Variants in SNTG1 observed in about 807,000 individuals in gnomAD.
SNTG1 encodes the protein syntrophin gamma 1.
A neutral mutation model predicts 74.7 loss-of-function variants in SNTG1; 39 were observed. The observed-to-expected ratio is 0.52, with a 90% CI of 0.40 to 0.68. The LOEUF is 0.68. Ranked by LOEUF, SNTG1 falls within the 30% of genes least tolerant of loss-of-function variation. The pLI, the probability that SNTG1 is intolerant of heterozygous loss-of-function variation, is 0.00. For synonymous variants in SNTG1, 254 were observed against 217.1 expected (o/e 1.17, Z -1.49); for missense variants, 685 against 609.5 (o/e 1.12, Z -1.30).
Position 50,792,873 on chromosome 8 carries a change from G to A in SNTG1, c.*44G>A. The A allele has an allele frequency of 1.9e-6, 3 of 1,540,374 alleles. No homozygotes were observed. Among genetic ancestry groups the A allele is most frequent in the South Asian group, 2.6e-5 (2 of 78,086 alleles). On this transcript the variant is annotated 3_prime_UTR_variant, in exon 19 of 19. Transcript: ENST00000642720. The stretch of plus-strand genomic sequence containing the variant: ...GACACACCCCATGACTGTATAAGCA[G>A]GACACATTTACTCATCATTTTAGAC...
chr8:50,259,376 G>T (rs2087041418), intron 2 of SNTG1, among the ~76,000 whole-genome samples: 1 of 151,784 alleles, frequency 6.6e-6, no homozygotes, highest in Non-Finnish European at 1.5e-5. Context: ...GTGTGCACCT[G>T]TAATCCTAGC....
intron 15 of SNTG1, among the ~76,000 whole-genome samples, chr8:50,664,913 C>T (rs1051528904): frequency 2.0e-5 from 3 of 152,066 alleles, no homozygotes; most frequent in Non-Finnish European, 4.4e-5. Flanking sequence ...TATCATTTGG[C>T]CAGGAAACCC....
intron 5 of SNTG1, among the ~76,000 whole-genome samples, chr8:50,444,109 G>C (rs2093383617): frequency 6.6e-6 from 1 of 152,126 alleles, no homozygotes; most frequent in Non-Finnish European, 1.5e-5. Flanking sequence ...CTGCATTCCA[G>C]CCTGGGTGAC....
chr8:50,264,531 C>G (rs779902568), intron 2 of SNTG1, among the ~76,000 whole-genome samples: 3 of 151,364 alleles, frequency 2.0e-5, no homozygotes, highest in Non-Finnish European at 2.9e-5. Flanking sequence ...GATCGCACCA[C>G]TGCACTCCAG....
chr8:50,703,579 A>AAATACAGTAATATTTACTGTATTACTAT (rs892510389), intron 15 of SNTG1, among the ~76,000 whole-genome samples: 2 of 152,176 alleles, frequency 1.3e-5, no homozygotes, highest in South Asian at 2.1e-4. Flanking sequence ...GGAGTACAGT[A>AAATACAGTAATATTTACTGTATTACTAT]AATACAGTAA....
In SNTG1 at chr8:50,706,000, G is replaced by A. The variant is rs187735939; in HGVS notation, c.1191+1248G>A. Among the ~76,000 whole-genome samples, 186 of 152,310 alleles carry A rather than the reference G, an allele frequency of 1.2e-3. 2 individuals carry two copies. The highest frequency in any genetic ancestry group is 6.8e-3 in the Middle Eastern group (2 of 294). On this transcript the variant is annotated intron_variant, in intron 16 of 18. Coordinates refer to ENST00000642720, the MANE Select transcript of SNTG1 (RefSeq NM_018967.5). Reference sequence around the variant, plus strand: ...GCATTGACTATACTGGAATGTTTGCGTAAAACAGGATTGTTGGATACATAT... The same window carrying A: ...GCATTGACTATACTGGAATGTTTGCATAAAACAGGATTGTTGGATACATAT...
chr8:50,130,816 A>C (rs141278418), intron 1 of SNTG1, among the ~76,000 whole-genome samples: 10 of 152,200 alleles, frequency 6.6e-5, no homozygotes, highest in East Asian at 1.9e-4. Flanking sequence ...ACAGAAGCAA[A>C]TTTGAAGAGT....
chr8:50,407,951 G>A (rs973002564), intron 4 of SNTG1, among the ~76,000 whole-genome samples: 1 of 152,156 alleles, frequency 6.6e-6, no homozygotes, highest in Non-Finnish European at 1.5e-5. Context: ...TGGTCTACTA[G>A]AATGCAAAGT....
intron 12 of SNTG1, among the ~76,000 whole-genome samples, chr8:50,559,227 T>A (rs1177602109): frequency 1.3e-5 from 2 of 152,202 alleles, no homozygotes; most frequent in East Asian, 3.9e-4. Context: ...AATAATTTCT[T>A]GTAGTGTTTA....
chr8:49,921,730 G>T (rs560136296), intron 1 of SNTG1, among the ~76,000 whole-genome samples: 1 of 152,138 alleles, frequency 6.6e-6, no homozygotes, highest in African/African-American at 2.4e-5. Context: ...CAACCAAAAA[G>T]ATACACATAC....
chr8:50,290,672 T>G (rs1048805765), intron 2 of SNTG1, among the ~76,000 whole-genome samples: 1 of 152,218 alleles, frequency 6.6e-6, no homozygotes, highest in South Asian at 2.1e-4. Flanking sequence ...TTCATTCTTC[T>G]TGAGGACAAA....
At chr8:50,723,959 T>C (rs888813760) in intron 17 of SNTG1, among the ~76,000 whole-genome samples, 1 of 152,058 alleles carries the variant, frequency 6.6e-6, no homozygotes, top group African/African-American at 2.4e-5. Flanking sequence ...AAATGAGAAG[T>C]GTTAAATCAG....
At chr8:50,353,119 G>A (rs774264538) in intron 2 of SNTG1, among the ~76,000 whole-genome samples, 2 of 152,014 alleles carry the variant, frequency 1.3e-5, no homozygotes, top group Non-Finnish European at 2.9e-5. Flanking sequence ...CATGGATAAA[G>A]CTGGAAACCA....
Position 50,536,789 on chromosome 8 carries a change from C to G in SNTG1, c.661C>G (p.Pro221Ala). The G allele has an allele frequency of 3.7e-6, 6 of 1,613,928 alleles. No homozygotes were observed. Among genetic ancestry groups the G allele is most frequent in the Non-Finnish European group, 4.2e-6 (5 of 1,179,836 alleles). ...LLHSRFSQYV[P>A]GTDLSRQNAF... ...TCATTCGCGCTTCTCTCAGTATGTG[C>G]CCGGCACAGATTTGAGTCGGTGAGT... Residue 221 changes from proline (P) to alanine (A), a missense_variant, in exon 11 of 19, where the codon CCC becomes GCC. Pro to Ala is a conservative substitution (Grantham distance 27). Transcript: ENST00000642720.
At position 50,559,348 on chromosome 8, in the gene SNTG1, C is replaced by T. The variant is rs565325970; in HGVS notation, c.810+6169C>T. ...TATGTCAAAATGGATTGTTTGTTTC[C>T]TAGAGAAAGCCTTAACTAAGTAGCC... On this transcript the variant is annotated intron_variant, in intron 12 of 18. Coordinates refer to ENST00000642720, the MANE Select transcript of SNTG1 (RefSeq NM_018967.5). Among the ~76,000 whole-genome samples the T allele has an allele frequency of 4.2e-3, 645 of 152,018 alleles. 9 individuals are homozygous for T. The highest frequency in any genetic ancestry group is 0.014 in the African/African-American group (584 of 41,444).
chr8:50,714,272 T>C (rs1398145709), intron 17 of SNTG1, among the ~76,000 whole-genome samples: 4 of 152,130 alleles, frequency 2.6e-5, no homozygotes, highest in Admixed American at 2.6e-4. Context: ...GGTAGCACGA[T>C]GCCTCCAGCT....
intron 4 of SNTG1, among the ~76,000 whole-genome samples, chr8:50,427,637 G>A (rs1432251260): frequency 6.6e-6 from 1 of 152,098 alleles, no homozygotes; most frequent in Non-Finnish European, 1.5e-5. Context: ...ATGTTGCTTA[G>A]CCTGTTCTCA....
intron 1 of SNTG1, among the ~76,000 whole-genome samples, chr8:49,935,229 G>A (rs1016438790): frequency 8.0e-5 from 12 of 150,454 alleles, no homozygotes; most frequent in African/African-American, 2.7e-4. Flanking sequence ...GTGTGTGTGT[G>A]TGTGTGTGTG....
chr8:50,397,302 G>A (rs763806762), intron 3 of SNTG1, among the ~76,000 whole-genome samples: 5 of 152,182 alleles, frequency 3.3e-5, no homozygotes, highest in Non-Finnish European at 5.9e-5. Flanking sequence ...GAAGATTCAT[G>A]TCTTTAGTTT....
Sources: gnomAD v4.1 joint callset for allele counts (sites outside exome capture counted in the v4.1 genomes callset) on GRCh38, gnomAD v4.1.1 for gene constraint, MANE v1.5 for transcripts, NCBI Gene and HGNC (gene_info 2026-07-23, HGNC 2026-07-21) for gene names.